Variants in EEPD1 observed in about 807,000 individuals in gnomAD.
EEPD1 encodes endonuclease/exonuclease/phosphatase family domain containing 1.
Under a neutral mutation model 46.3 loss-of-function variants are expected in EEPD1, and 17 were observed. The observed-to-expected ratio is 0.37, with a 90% CI of 0.25 to 0.55. EEPD1 has a LOEUF of 0.55. Among genes scored for constraint, EEPD1 ranks in the 20% least tolerant of loss-of-function variants. The pLI, the probability that EEPD1 is intolerant of heterozygous loss-of-function variation, is 0.83. For missense variants in EEPD1, 673 were observed against 745.6 expected (o/e 0.90, Z 1.13); for synonymous variants, 313 against 315.6 (o/e 0.99, Z 0.09).
chr7:36,274,696 C>G (rs777127577), intron 3 of EEPD1, among the ~76,000 whole-genome samples: 1 of 152,172 alleles, frequency 6.6e-6, no homozygotes. Flanking sequence ...TTTCCTAATG[C>G]TGTCCCTCCA....
intron 2 of EEPD1, among the ~76,000 whole-genome samples, chr7:36,203,317 C>A (rs963007272): frequency 6.6e-6 from 1 of 152,164 alleles, no homozygotes; most frequent in African/African-American, 2.4e-5. Flanking sequence ...CCGCAGGTCA[C>A]ACCCACACCA....
rs184909540 is a variant in EEPD1 at position 36,175,539 on chromosome 7, T to A, written c.878+20337T>A. Among the ~76,000 whole-genome samples the A allele has an allele frequency of 2.6e-3, 392 of 152,138 alleles. 1 individual carries two copies. Among genetic ancestry groups the A allele is most frequent in the East Asian group, 5.0e-3 (26 of 5,172 alleles). Reference sequence around the variant, plus strand: ...GAACCATTGTGCCTGACCCTGACTTTTTTTTTTTTAATTTGAGATTATTAG... The same window carrying A: ...GAACCATTGTGCCTGACCCTGACTTATTTTTTTTTAATTTGAGATTATTAG... On this transcript the variant is annotated intron_variant, in intron 2 of 7. Coordinates refer to ENST00000242108, the MANE Select transcript of EEPD1 (RefSeq NM_030636.3).
chr7:36,195,419 T>C (rs1643969485), intron 2 of EEPD1, among the ~76,000 whole-genome samples: 1 of 152,196 alleles, frequency 6.6e-6, no homozygotes, highest in African/African-American at 2.4e-5. Flanking sequence ...TATAAAAGTT[T>C]CCCTTCATAA....
At chr7:36,187,518 G>T (rs1454344443) in intron 2 of EEPD1, among the ~76,000 whole-genome samples, 1 of 152,098 alleles carries the variant, frequency 6.6e-6, no homozygotes, top group African/African-American at 2.4e-5. Flanking sequence ...TTTGAGTGTG[G>T]CTTATCTCAC....
intron 2 of EEPD1, among the ~76,000 whole-genome samples, chr7:36,214,508 C>T (rs1418468749): frequency 2.0e-5 from 3 of 152,146 alleles, no homozygotes; most frequent in South Asian, 2.1e-4. Context: ...GTGTAGTCTT[C>T]GTCAAAGTGG....
At chr7:36,206,556 A>G (rs1432926566) in intron 2 of EEPD1, among the ~76,000 whole-genome samples, 1 of 152,154 alleles carries the variant, frequency 6.6e-6, no homozygotes, top group African/African-American at 2.4e-5. Flanking sequence ...CACCTTACAG[A>G]GTGGGGCTGG....
At chr7:36,206,684 A>G in intron 2 of EEPD1, among the ~76,000 whole-genome samples, 1 of 152,374 alleles carries the variant, frequency 6.6e-6, no homozygotes, top group African/African-American at 2.4e-5. Flanking sequence ...ATAGGTAATA[A>G]GAATTATTTA....
chr7:36,217,498 G>A (rs1433249699), intron 2 of EEPD1, among the ~76,000 whole-genome samples: 1 of 152,196 alleles, frequency 6.6e-6, no homozygotes, highest in Non-Finnish European at 1.5e-5. Context: ...AGGTCTTCAT[G>A]ACCTGTATCT....
chr7:36,185,290 G>A (rs1785345734), intron 2 of EEPD1, among the ~76,000 whole-genome samples: 1 of 152,180 alleles, frequency 6.6e-6, no homozygotes, highest in Non-Finnish European at 1.5e-5. Flanking sequence ...TTCAACCTCT[G>A]GTTCCTGAGG....
chr7:36,212,044 A>C (rs570321048), intron 2 of EEPD1, among the ~76,000 whole-genome samples: 22 of 152,346 alleles, frequency 1.4e-4, no homozygotes, highest in African/African-American at 5.0e-4. Context: ...TAATATAGAA[A>C]TTACTTACAT....
chr7:36,242,606 A>C (rs938550767), intron 3 of EEPD1, among the ~76,000 whole-genome samples: 1 of 152,080 alleles, frequency 6.6e-6, no homozygotes, highest in African/African-American at 2.4e-5. Flanking sequence ...TACCTGGCAT[A>C]GTGCTATTTT....
intron 2 of EEPD1, among the ~76,000 whole-genome samples, chr7:36,184,797 C>A (rs544345232): frequency 6.6e-6 from 1 of 152,072 alleles, no homozygotes; most frequent in African/African-American, 2.4e-5. Context: ...GTGGTGCGAT[C>A]TCAGCTCACT....
chr7:36,210,512 G>A (rs764292154), intron 2 of EEPD1, among the ~76,000 whole-genome samples: 2 of 152,126 alleles, frequency 1.3e-5, no homozygotes, highest in Admixed American at 1.3e-4. Flanking sequence ...ACCTTCCAGA[G>A]CTGTCTTTTT....
In EEPD1 at chr7:36,168,773, T is replaced by C. The variant is rs527271786; in HGVS notation, c.878+13571T>C. On this transcript the variant is annotated intron_variant, in intron 2 of 7. Transcript: ENST00000242108. ...ACTCTGTCTCAAAAAAAAAAAAAGG[T>C]TGGGGGAGGGGGGACAGTTGTTTCC... is the stretch of plus-strand genomic sequence containing the variant. Among the ~76,000 whole-genome samples, 9 of 121,586 alleles carry C rather than the reference T, an allele frequency of 7.4e-5. 1 individual carries two copies. The South Asian group carries it at 1.8e-3, about 25-fold the overall frequency. The allele number at this position is 121,586 out of a possible 152,430, so 79.8% of individuals were successfully genotyped here.
chr7:36,198,805 G>A (rs1417794988), intron 2 of EEPD1, among the ~76,000 whole-genome samples: 1 of 152,036 alleles, frequency 6.6e-6, no homozygotes, highest in Non-Finnish European at 1.5e-5. Context: ...ATCTCTGTGG[G>A]TGTGCCAGCC....
At chr7:36,278,094 G>A (rs758013897) in intron 3 of EEPD1, among the ~76,000 whole-genome samples, 2 of 152,200 alleles carry the variant, frequency 1.3e-5, no homozygotes, top group East Asian at 3.9e-4. Context: ...AGAATCTTTA[G>A]TTAAGTAGGT....
At chr7:36,158,372 A>T (rs973355291) in intron 2 of EEPD1, among the ~76,000 whole-genome samples, 3 of 152,124 alleles carry the variant, frequency 2.0e-5, no homozygotes, top group African/African-American at 4.8e-5. Flanking sequence ...AATTAAATCC[A>T]TTGTAAAGGG....
chr7:36,200,305 A>C lies in EEPD1; in HGVS notation c.879-38680A>C, dbSNP rs185708684. ...TTCCGTCTGTGTTTCTGCCAAGGAC[A>C]TGATCTTATTTTCTTATGGCTGCAT... On this transcript the variant is annotated intron_variant, in intron 2 of 7. Coordinates refer to ENST00000242108, the MANE Select transcript of EEPD1 (RefSeq NM_030636.3). Among the ~76,000 whole-genome samples, 150 of 152,308 alleles carry C rather than the reference A, an allele frequency of 9.8e-4. 2 individuals carry two copies. Among genetic ancestry groups the C allele is most frequent in the African/African-American group, 3.3e-3 (139 of 41,572 alleles).
At chr7:36,220,643 G>T (rs1055489150) in intron 2 of EEPD1, among the ~76,000 whole-genome samples, 8 of 152,142 alleles carry the variant, frequency 5.3e-5, no homozygotes, top group African/African-American at 1.9e-4. Flanking sequence ...AGAGCTAATG[G>T]CATCGACTCC....
Sources: allele counts gnomAD v4.1 joint callset (sites outside exome capture counted in the v4.1 genomes callset), GRCh38; gene constraint gnomAD v4.1.1; transcripts MANE v1.5; gene names NCBI Gene and HGNC (gene_info 2026-07-23, HGNC 2026-07-21).